Variants in FGF12 observed in about 807,000 individuals in gnomAD.
The protein encoded by FGF12 is fibroblast growth factor 12B.
Under a neutral mutation model 23.6 loss-of-function variants are expected in FGF12, and 14 were observed. The observed-to-expected ratio is 0.59, with a 90% CI of 0.39 to 0.93. FGF12 has a LOEUF of 0.93. FGF12 is among the 40% of genes least tolerant of loss of function. The probability of loss-of-function intolerance (pLI) is 0.00; values close to 1 mark genes in which losing one functional copy is unlikely to be tolerated. For missense variants in FGF12, 175 were observed against 217.8 expected, an observed-to-expected ratio of 0.80 and a Z score of 1.24; for synonymous variants, 62 against 77.3, an observed-to-expected ratio of 0.80 and a Z score of 1.04.
chr3:192,447,642 CG>C (rs2108799975), intron 2 of FGF12, among the ~76,000 whole-genome samples: 1 of 152,106 alleles, frequency 6.6e-6, no homozygotes, highest in East Asian at 1.9e-4. Flanking sequence ...TTTCTCATCA[CG>C]TAAAATTTTT....
At chr3:192,271,434 A>G (rs73193531) in intron 4 of FGF12, among the ~76,000 whole-genome samples, 7,281 of 152,280 alleles carry the variant, frequency 0.048, 237 homozygotes, top group South Asian at 0.08. Context: ...AGGCTGAAAC[A>G]TTACAATAGC....
chr3:192,652,915 T>G (rs554792643), intron 2 of FGF12, among the ~76,000 whole-genome samples: 63 of 152,244 alleles, frequency 4.1e-4, no homozygotes, highest in Admixed American at 7.2e-4. Flanking sequence ...GAATTTATGC[T>G]GAGGTGGTGA....
chr3:192,218,105 TTACAA>T (rs1344859852), intron 4 of FGF12, among the ~76,000 whole-genome samples: 1 of 152,182 alleles, frequency 6.6e-6, no homozygotes. Context: ...AATGCTGGGA[TTACAA>T]GCGTCAGCCA....
chr3:192,562,032 C>T (rs188805210), intron 2 of FGF12, among the ~76,000 whole-genome samples: 25 of 151,922 alleles, frequency 1.6e-4, no homozygotes, highest in African/African-American at 5.8e-4. Context: ...CAAATAAATA[C>T]ACCATGGAAT....
At chr3:192,450,377 T>C (rs1722484389) in intron 2 of FGF12, among the ~76,000 whole-genome samples, 1 of 152,198 alleles carries the variant, frequency 6.6e-6, no homozygotes, top group East Asian at 1.9e-4. Context: ...GAGCAAAAAG[T>C]GGAGACTGAC....
At chr3:192,640,359 G>T (rs1474039964) in intron 2 of FGF12, among the ~76,000 whole-genome samples, 1 of 151,892 alleles carries the variant, frequency 6.6e-6, no homozygotes, top group African/African-American at 2.4e-5. Flanking sequence ...TAAATTTAAA[G>T]AAATAAAAAT....
At chr3:192,600,450 T>C (rs1023527851) in intron 2 of FGF12, among the ~76,000 whole-genome samples, 10 of 152,162 alleles carry the variant, frequency 6.6e-5, no homozygotes, top group African/African-American at 2.4e-4. Context: ...TTGATAGAGA[T>C]TTCACTGAAT....
chr3:192,220,786 T>C (rs940086265), intron 4 of FGF12, among the ~76,000 whole-genome samples: 16 of 152,180 alleles, frequency 1.1e-4, no homozygotes, highest in Admixed American at 9.2e-4. Context: ...TATAAATATG[T>C]TTTTTAAAAG....
intron 2 of FGF12, among the ~76,000 whole-genome samples, chr3:192,429,549 C>T (rs747797184): frequency 6.6e-6 from 1 of 152,152 alleles, no homozygotes; most frequent in Non-Finnish European, 1.5e-5. Context: ...ACATGCATTA[C>T]TCCTTCTCTA....
chr3:192,326,363 G>A (rs1293952579), intron 4 of FGF12, among the ~76,000 whole-genome samples: 1 of 151,984 alleles, frequency 6.6e-6, no homozygotes, highest in Non-Finnish European at 1.5e-5. Flanking sequence ...ATTAGAGGAG[G>A]GAATAACAAC....
chr3:192,585,177 G>A (rs1713323684), intron 2 of FGF12, among the ~76,000 whole-genome samples: 1 of 152,088 alleles, frequency 6.6e-6, no homozygotes, highest in African/African-American at 2.4e-5. Flanking sequence ...ATTCTTTCTA[G>A]GTCGGGTCCA....
intron 2 of FGF12, among the ~76,000 whole-genome samples, chr3:192,530,438 A>G (rs774199520): frequency 6.6e-6 from 1 of 152,206 alleles, no homozygotes. Context: ...ATTGACATTT[A>G]TGACTTTTGG....
At chr3:192,529,716 C>T (rs943607609) in intron 2 of FGF12, among the ~76,000 whole-genome samples, 1 of 152,184 alleles carries the variant, frequency 6.6e-6, no homozygotes, top group African/African-American at 2.4e-5. Flanking sequence ...GTGAAAGGCA[C>T]ATCTCACATG....
rs73064503 is a variant in FGF12, at chr3:192,208,026, G to A, written c.229-37370C>T. Among the ~76,000 whole-genome samples, 932 of 152,252 alleles carry A rather than the reference G, an allele frequency of 6.1e-3. 11 individuals carry two copies. The highest frequency in any genetic ancestry group is 0.022 in the African/African-American group (895 of 41,542). On this transcript the variant is annotated intron_variant, in intron 4 of 5. Coordinates refer to ENST00000445105, the MANE Select transcript of FGF12 (RefSeq NM_004113.6). ...TAAAAGGATTCATTTTAGGATCCCA[G>A]AGTTCCTCTAAATAGCAAGTTTCTT...
At chr3:192,181,950 T>G (rs1330700730) in intron 4 of FGF12, among the ~76,000 whole-genome samples, 2 of 151,968 alleles carry the variant, frequency 1.3e-5, no homozygotes, top group Non-Finnish European at 2.9e-5. Context: ...AAATATGTTC[T>G]AGAGAAAACA....
intron 4 of FGF12, among the ~76,000 whole-genome samples, chr3:192,291,806 A>G (rs1714772494): frequency 6.6e-6 from 1 of 152,192 alleles, no homozygotes; most frequent in African/African-American, 2.4e-5. Context: ...TTTTAAGGGA[A>G]ATACTAAAGT....
intron 4 of FGF12, among the ~76,000 whole-genome samples, chr3:192,327,339 T>C (rs1312514965): frequency 6.6e-6 from 1 of 152,138 alleles, no homozygotes; most frequent in African/African-American, 2.4e-5. Context: ...TATTAGAATA[T>C]AGACTGACTA....
At chr3:192,714,810 G>A (rs1014007190) in intron 2 of FGF12, among the ~76,000 whole-genome samples, 46 of 152,074 alleles carry the variant, frequency 3.0e-4, no homozygotes, top group Non-Finnish European at 1.3e-4. Flanking sequence ...GAGCCACCGC[G>A]CCCGGCCAAG....
chr3:192,449,467 C>T (rs994195746), intron 2 of FGF12, among the ~76,000 whole-genome samples: 3 of 152,198 alleles, frequency 2.0e-5, no homozygotes, highest in African/African-American at 4.8e-5. Context: ...CCAGGTTCCA[C>T]AGCACCCTGC....
Sources: gnomAD v4.1 joint callset for allele counts (sites outside exome capture counted in the v4.1 genomes callset) on GRCh38, gnomAD v4.1.1 for gene constraint, MANE v1.5 for transcripts, NCBI Gene and HGNC (gene_info 2026-07-23, HGNC 2026-07-21) for gene names.